PTPRT: variants seen among roughly 807,000 people sequenced by gnomAD.
PTPRT encodes the protein receptor-type tyrosine-protein phosphatase T.
Under a neutral mutation model 176.8 loss-of-function variants are expected in PTPRT, and 56 were observed. The observed-to-expected ratio is 0.32, with a 90% CI of 0.26 to 0.40. PTPRT has a LOEUF of 0.40. PTPRT is among the 10% of genes least tolerant of loss of function. The pLI is 1.00. For missense variants in PTPRT, 1,540 were observed against 1,908.2 expected (o/e 0.81, Z 3.60); for synonymous variants, 783 against 739.0 (o/e 1.06, Z -0.96).
chr20:42,983,081 G>A lies in PTPRT; in HGVS notation c.89-97149C>T, dbSNP rs192879840. ...CTCCGGTGGCTCCTTTGGTGTTATA[G>A]TCACTTCCCCACTGGGTGCTTTGTC... On this transcript the variant is annotated intron_variant, in intron 1 of 30. Transcript: ENST00000373187. Among the ~76,000 whole-genome samples, 29 of 152,286 alleles carry A rather than the reference G, an allele frequency of 1.9e-4. No homozygotes were observed. The East Asian group carries it at 4.3e-3, about 22-fold the overall frequency.
At chr20:42,871,828 A>G (rs1458559676) in intron 2 of PTPRT, among the ~76,000 whole-genome samples, 1 of 152,202 alleles carries the variant, frequency 6.6e-6, no homozygotes, top group Non-Finnish European at 1.5e-5. Flanking sequence ...CCTGTATTAA[A>G]CCCCTTCCTG....
intron 22 of PTPRT, among the ~76,000 whole-genome samples, chr20:42,112,119 G>A (rs1390990568): frequency 4.6e-5 from 7 of 152,290 alleles, no homozygotes; most frequent in East Asian, 1.9e-4. Context: ...TTACACAGAC[G>A]GTTCCACACA....
intron 6 of PTPRT, among the ~76,000 whole-genome samples, chr20:42,697,568 A>G (rs78337657): frequency 0.014 from 2,077 of 152,368 alleles, 51 homozygotes; most frequent in African/African-American, 0.047. Flanking sequence ...CATGGGGCAG[A>G]CACTGGGTCT....
intron 1 of PTPRT, among the ~76,000 whole-genome samples, chr20:43,036,574 A>C (rs1986389247): frequency 6.6e-6 from 1 of 152,232 alleles, no homozygotes; most frequent in African/African-American, 2.4e-5. Context: ...AATTTACAAA[A>C]AAAAACCCCA....
chr20:42,160,810 G>T (rs1046612795), intron 17 of PTPRT, among the ~76,000 whole-genome samples: 3 of 152,204 alleles, frequency 2.0e-5, no homozygotes, highest in Non-Finnish European at 4.4e-5. Context: ...TGAAGAGATG[G>T]TGCAGAAAGA....
At chr20:42,048,220 A>C in the PTPRT span, among the ~76,000 whole-genome samples, 10 of 152,332 alleles carry the variant, frequency 6.6e-5, no homozygotes, top group African/African-American at 2.4e-4. Context: ...TTCATATGGG[A>C]AACTCAGTTC....
chr20:42,867,033 A>G (rs1050690921), intron 2 of PTPRT, among the ~76,000 whole-genome samples: 34 of 152,206 alleles, frequency 2.2e-4, no homozygotes, highest in African/African-American at 8.0e-4. Context: ...TGTAAGGACT[A>G]CTTGTTATTC....
intron 12 of PTPRT, among the ~76,000 whole-genome samples, chr20:42,304,966 C>T (rs2057522200): frequency 6.6e-6 from 1 of 152,200 alleles, no homozygotes; most frequent in Non-Finnish European, 1.5e-5. Flanking sequence ...TCAGGAGATA[C>T]AGATAGTGTA....
intron 7 of PTPRT, among the ~76,000 whole-genome samples, chr20:42,625,140 A>T (rs2074266688): frequency 6.6e-6 from 1 of 152,204 alleles, no homozygotes; most frequent in African/African-American, 2.4e-5. Context: ...AGTAAAATGG[A>T]TGGGACAAGG....
At chr20:42,716,724 G>T (rs549535499) in intron 6 of PTPRT, among the ~76,000 whole-genome samples, 5 of 152,030 alleles carry the variant, frequency 3.3e-5, no homozygotes, top group Non-Finnish European at 7.4e-5. Flanking sequence ...CTGCTATAAA[G>T]ACACACGCAC....
chr20:42,886,105 T>C (rs1357498932), intron 1 of PTPRT, among the ~76,000 whole-genome samples, 173 bp from the exon 2 acceptor site: 1 of 151,996 alleles, frequency 6.6e-6, no homozygotes, highest in Non-Finnish European at 1.5e-5. Context: ...ATATTTGCTT[T>C]GGTGCTCTCA....
intron 5 of PTPRT, among the ~76,000 whole-genome samples, chr20:42,765,889 G>A (rs549158032): frequency 4.0e-5 from 6 of 151,844 alleles, no homozygotes; most frequent in Non-Finnish European, 7.4e-5. Flanking sequence ...GAAAATTTAG[G>A]TTCTTTCCAG....
chr20:42,897,691 T>C (rs143882601), intron 1 of PTPRT, among the ~76,000 whole-genome samples: 1 of 152,312 alleles, frequency 6.6e-6, no homozygotes, highest in African/African-American at 2.4e-5. Flanking sequence ...CAGTTAAAGC[T>C]ATGAACTCCA....
chr20:42,923,458 G>T (rs1051132407), intron 1 of PTPRT, among the ~76,000 whole-genome samples: 1 of 152,164 alleles, frequency 6.6e-6, no homozygotes, highest in Admixed American at 6.5e-5. Flanking sequence ...CTGAATGAAG[G>T]CCTCCTGACA....
chr20:42,292,817 C>T (rs1345737685), intron 12 of PTPRT, among the ~76,000 whole-genome samples: 1 of 152,176 alleles, frequency 6.6e-6, no homozygotes, highest in African/African-American at 2.4e-5. Flanking sequence ...CCTTGAGTAA[C>T]TCAGAACCAT....
rs370644517 is a variant in PTPRT, at chr20:42,825,991, C to G, written c.215-34525G>C. Among the ~76,000 whole-genome samples, 4 of 152,136 alleles carry G rather than the reference C, an allele frequency of 2.6e-5. No homozygotes were observed. In the South Asian group the frequency reaches 8.3e-4, roughly 32 times the overall value. On this transcript the variant is annotated intron_variant, in intron 2 of 30. Transcript: ENST00000373187. ...ATCTGTATAAGAAATGTTAAGACAA[C>G]CACCCACAAAACCCCCTTTGACATC...
intron 7 of PTPRT, among the ~76,000 whole-genome samples, chr20:42,513,721 A>C (rs1453963798): frequency 6.6e-6 from 1 of 152,178 alleles, no homozygotes. Flanking sequence ...CATATCTCTG[A>C]ATTCCACTTT....
intron 12 of PTPRT, among the ~76,000 whole-genome samples, chr20:42,300,504 A>G (rs908419923): frequency 3.3e-5 from 5 of 152,076 alleles, no homozygotes; most frequent in Non-Finnish European, 5.9e-5. Context: ...TCAGAATGAC[A>G]AAAGAACCAT....
At chr20:42,378,320 C>T (rs1432508963) in intron 9 of PTPRT, among the ~76,000 whole-genome samples, 1 of 152,170 alleles carries the variant, frequency 6.6e-6, no homozygotes, top group Non-Finnish European at 1.5e-5. Context: ...CTGTATGATT[C>T]TGAGATCACA....
Sources: gnomAD v4.1 joint callset for allele counts (sites outside exome capture counted in the v4.1 genomes callset) on GRCh38, gnomAD v4.1.1 for gene constraint, MANE v1.5 for transcripts, NCBI Gene and HGNC (gene_info 2026-07-23, HGNC 2026-07-21) for gene names.